The following RBFOX1 variants were observed in gnomAD, a reference collection of about 807,000 sequenced individuals.
The protein encoded by RBFOX1 is RNA binding protein fox-1 homolog 1.
A neutral mutation model predicts 57.7 loss-of-function variants in RBFOX1; 8 were observed. That is an observed-to-expected ratio of 0.14 (90% CI 0.08 to 0.25). The LOEUF is 0.25. RBFOX1 is among the 10% of genes least tolerant of loss of function. The probability of loss-of-function intolerance (pLI) is 1.00; values close to 1 mark genes in which losing one functional copy is unlikely to be tolerated. For missense variants in RBFOX1, 611 were observed against 548.5 expected (o/e 1.11, Z -1.14); for synonymous variants, 326 against 222.4 (o/e 1.47, Z -4.15).
intron 4 of RBFOX1, among the ~76,000 whole-genome samples, chr16:7,510,908 G>A (rs1368506189): frequency 3.3e-5 from 5 of 152,158 alleles, no homozygotes; most frequent in Admixed American, 3.3e-4. Context: ...TCCTGTGCAT[G>A]TCTTCATTAT....
At chr16:6,439,831 G>A (rs1375103001) in intron 2 of RBFOX1, among the ~76,000 whole-genome samples, 2 of 152,066 alleles carry the variant, frequency 1.3e-5, no homozygotes, top group African/African-American at 2.4e-5. Context: ...GTGAGCATCC[G>A]ACCCAGGGAT....
intron 2 of RBFOX1, among the ~76,000 whole-genome samples, chr16:6,355,172 A>G (rs2087064684): frequency 6.6e-6 from 1 of 152,184 alleles, no homozygotes; most frequent in Non-Finnish European, 1.5e-5. Context: ...TCTGGGGTAC[A>G]TGTGCAGAAC....
chr16:6,903,635 C>G (rs761753749), intron 3 of RBFOX1, among the ~76,000 whole-genome samples: 9 of 152,132 alleles, frequency 5.9e-5, no homozygotes, highest in Non-Finnish European at 1.3e-4. Flanking sequence ...CTCCTGGGGA[C>G]TGTCCTTTGG....
chr16:5,913,462 G>C (rs531406692), intron 4 of RBFOX1, among the ~76,000 whole-genome samples: 2 of 152,182 alleles, frequency 1.3e-5, no homozygotes, highest in South Asian at 2.1e-4. Context: ...AGAGCTGGCT[G>C]TTTAAAAGAG....
chr16:6,484,831 A>G (rs757959892), intron 2 of RBFOX1, among the ~76,000 whole-genome samples: 29 of 152,366 alleles, frequency 1.9e-4, no homozygotes, highest in Non-Finnish European at 3.5e-4. Context: ...GTCTTCACGT[A>G]GAAGAATTTA....
intron 3 of RBFOX1, among the ~76,000 whole-genome samples, chr16:6,656,087 A>G (rs1472971882): frequency 6.6e-6 from 1 of 152,154 alleles, no homozygotes. Flanking sequence ...ATGTGTTTGC[A>G]TGCTGGTATA....
intron 12 of RBFOX1, among the ~76,000 whole-genome samples, chr16:7,664,385 TATA>T (rs2068628804): frequency 6.6e-6 from 1 of 152,164 alleles, no homozygotes; most frequent in Admixed American, 6.6e-5. Context: ...AATTACCAAA[TATA>T]ATACAATGTG....
chr16:6,295,501 T>C (rs1359075170), intron 1 of RBFOX1, among the ~76,000 whole-genome samples: 1 of 152,224 alleles, frequency 6.6e-6, no homozygotes, highest in Non-Finnish European at 1.5e-5. Context: ...TACCAAGTTT[T>C]ACTCTCTGAG....
At chr16:6,927,685 G>C (rs1268303636) in intron 3 of RBFOX1, among the ~76,000 whole-genome samples, 1 of 151,544 alleles carries the variant, frequency 6.6e-6, no homozygotes, top group Admixed American at 6.6e-5. Context: ...CTGCCCTTTG[G>C]GGGAGCAGAT....
chr16:5,735,076 C>G (rs552178945), intron 3 of RBFOX1, among the ~76,000 whole-genome samples: 13 of 152,136 alleles, frequency 8.5e-5, no homozygotes, highest in Non-Finnish European at 1.8e-4. Context: ...GGGGGCCATG[C>G]CTTGTGATCA....
chr16:6,742,418 T>G (rs11860754), intron 3 of RBFOX1, among the ~76,000 whole-genome samples: 13,630 of 152,200 alleles, frequency 0.09, 754 homozygotes, highest in East Asian at 0.17. Flanking sequence ...TGGCAAATTG[T>G]TTGTAGTTTC....
chr16:6,831,019 A>G (rs2092669800), intron 3 of RBFOX1, among the ~76,000 whole-genome samples: 1 of 152,208 alleles, frequency 6.6e-6, no homozygotes, highest in Non-Finnish European at 1.5e-5. Context: ...TTACCATCTA[A>G]GCCTTTTCCC....
At chr16:5,909,685 A>G (rs1162296073) in intron 4 of RBFOX1, among the ~76,000 whole-genome samples, 5 of 152,218 alleles carry the variant, frequency 3.3e-5, no homozygotes, top group East Asian at 1.9e-4. Context: ...GCTGGAGGGC[A>G]GATGCTTTGA....
At chr16:6,840,291 A>G (rs2093387112) in intron 3 of RBFOX1, among the ~76,000 whole-genome samples, 1 of 152,184 alleles carries the variant, frequency 6.6e-6, no homozygotes, top group Non-Finnish European at 1.5e-5. Context: ...CGAAAAATGA[A>G]AAGGCAACTT....
At chr16:7,677,219 G>C (rs1256389534) in intron 14 of RBFOX1, among the ~76,000 whole-genome samples, 1 of 150,598 alleles carries the variant, frequency 6.6e-6, no homozygotes, top group African/African-American at 2.4e-5. Flanking sequence ...CTCATAGGAA[G>C]AAAAACAGAC....
rs747202169 is a variant in RBFOX1, at chr16:5,580,398, A to C, written c.259-18504A>C. On this transcript the variant is annotated intron_variant, in intron 2 of 2. Coordinates refer to the RBFOX1 transcript ENST00000585867. ...GCCTGGCACCATTTTCCGAGGGGTA[A>C]GTGCCCACTGAGCTTGCAGAGCATC... 2.0e-5 allele frequency among the ~76,000 whole-genome samples: 3 copies of C among 152,318 alleles called. No homozygotes were observed. The East Asian group carries it at 5.8e-4, about 29-fold the overall frequency.
chr16:6,970,202 A>G (rs1290941845), intron 3 of RBFOX1, among the ~76,000 whole-genome samples: 2 of 152,072 alleles, frequency 1.3e-5, no homozygotes, highest in East Asian at 3.8e-4. Context: ...AGAAAGAAAC[A>G]AAAAACCCCA....
At chr16:6,819,072 G>A (rs965927559) in intron 3 of RBFOX1, among the ~76,000 whole-genome samples, 4 of 152,178 alleles carry the variant, frequency 2.6e-5, no homozygotes, top group African/African-American at 9.7e-5. Context: ...AATGAGTTCT[G>A]TCTGAATCCA....
At chr16:6,532,430 G>C (rs1325197849) in intron 2 of RBFOX1, among the ~76,000 whole-genome samples, 11 of 152,114 alleles carry the variant, frequency 7.2e-5, no homozygotes, top group African/African-American at 2.7e-4. Context: ...GACCATTACT[G>C]TTTCCTCATT....
Sources: allele counts gnomAD v4.1 joint callset (sites outside exome capture counted in the v4.1 genomes callset), GRCh38; gene constraint gnomAD v4.1.1; transcripts MANE v1.5; gene names NCBI Gene and HGNC (gene_info 2026-07-23, HGNC 2026-07-21).